The following NEK6 variants were observed in gnomAD, a reference collection of about 807,000 sequenced individuals.
NEK6 encodes the protein NIMA related kinase 6.
NEK6 carries 27 observed loss-of-function variants against 43.5 expected under a neutral mutation model. The ratio of observed to expected loss-of-function variants is 0.62; its 90% CI spans 0.46 to 0.86. The LOEUF is 0.86. NEK6 is among the 40% of genes least tolerant of loss of function. The pLI is 0.00. For synonymous variants in NEK6, 167 were observed against 164.1 expected (o/e 1.02, Z -0.14); for missense variants, 318 against 414.4 (o/e 0.77, Z 2.02).
At chr9:124,336,998 A>G (rs1248430262) in intron 7 of NEK6, among the ~76,000 whole-genome samples, 15 of 147,164 alleles carry the variant, frequency 1.0e-4, no homozygotes. Flanking sequence ...TCTGTCTCAA[A>G]AAAAAAAAAA....
chr9:124,283,614 A>T (rs900091461), intron 1 of NEK6, among the ~76,000 whole-genome samples: 2 of 152,186 alleles, frequency 1.3e-5, no homozygotes, highest in African/African-American at 4.8e-5. Context: ...TGTGCAGGTC[A>T]TGGCAGTGCC....
At chr9:124,329,006 G>A (rs779747042) in intron 7 of NEK6, among the ~76,000 whole-genome samples, 4 of 152,170 alleles carry the variant, frequency 2.6e-5, no homozygotes, top group South Asian at 2.1e-4. Flanking sequence ...CCAGGCGCTC[G>A]AGAGATTTTT....
Position 124,313,973 on chromosome 9 carries a change from C to T in NEK6, c.282C>T (p.Ile94=), listed in dbSNP as rs771234776. The change falls in exon 4 of 10, where the codon ATC becomes ATT. Residue 94 remains isoleucine (I), a synonymous_variant. Coordinates refer to ENST00000320246, the MANE Select transcript of NEK6 (RefSeq NM_014397.6). Reference sequence around the variant, plus strand: ...CGAGGCAGGACTGTGTCAAGGAGATCGGCCTCTTGAAGGTGAGCACCCTGG... The same window carrying T: ...CGAGGCAGGACTGTGTCAAGGAGATTGGCCTCTTGAAGGTGAGCACCCTGG... ...AKARQDCVKE[I]GLLKQLNHPN... is the part of the protein sequence containing the mutation. 9.9e-6 allele frequency: 16 copies of T among 1,614,026 alleles called. No homozygotes were observed. Among genetic ancestry groups the T allele is most frequent in the Middle Eastern group, 3.3e-4 (2 of 6,076 alleles).
intron 7 of NEK6, among the ~76,000 whole-genome samples, chr9:124,330,068 CT>C (rs889204786): frequency 3.9e-5 from 6 of 152,218 alleles, no homozygotes; most frequent in African/African-American, 1.2e-4. Context: ...CACTTCCCCC[CT>C]CCCTGGGCCC....
intron 2 of NEK6, among the ~76,000 whole-genome samples, chr9:124,311,049 G>C (rs1434861098): frequency 6.6e-6 from 1 of 152,226 alleles, no homozygotes; most frequent in Non-Finnish European, 1.5e-5. Context: ...ACCCAGCTTA[G>C]ACCTGCCCAG....
rs982206942 is a variant in NEK6 at position 124,351,208 on chromosome 9, A to C, written c.*261A>C. The C allele has an allele frequency of 2.6e-6, 1 of 380,642 alleles. No homozygotes were observed. The highest frequency in any genetic ancestry group is 5.5e-5 in the East Asian group (1 of 18,304). 23.6% of individuals were successfully genotyped at this position (380,642 alleles called of 1,614,324 possible). A position where few individuals can be genotyped will look rare whatever the true frequency, so the allele number is the denominator to read the frequency against. The stretch of plus-strand genomic sequence containing the variant: ...CAATCTCAGCTGGGTCAATAAGGGC[A>C]GGTGGTTCAGCGAGCCACGGCAGCC... On this transcript the variant is annotated 3_prime_UTR_variant, in exon 10 of 10. Transcript: ENST00000320246.
intron 4 of NEK6, among the ~76,000 whole-genome samples, chr9:124,321,217 C>G (rs1355311228): frequency 6.6e-6 from 1 of 152,260 alleles, no homozygotes; most frequent in Non-Finnish European, 1.5e-5. Context: ...AACTATGCTT[C>G]AAAACATTAT....
rs1020895470 is a variant in NEK6 at position 124,341,187 on chromosome 9, C to T, written c.717+1522C>T. On this transcript the variant is annotated intron_variant, in intron 8 of 9. Coordinates refer to ENST00000320246, the MANE Select transcript of NEK6 (RefSeq NM_014397.6). ...CCTCCCAAGTAGCTGGGACTACAGA[C>T]GCCCGCCACCCCACCCGGCAAATTT... is the stretch of plus-strand genomic sequence containing the variant. Among the ~76,000 whole-genome samples the T allele has an allele frequency of 3.9e-5, 6 of 152,314 alleles. No individual in the cohort carries two copies. In the East Asian group the frequency reaches 5.8e-4, roughly 15 times the overall value.
At position 124,309,646 on chromosome 9, in the gene NEK6, T is replaced by C. The variant is rs578216091; in HGVS notation, c.91-2863T>C. The stretch of plus-strand genomic sequence containing the variant: ...TGAAGCTATTAGGAGTTTGGAGACA[T>C]AGAGCTGTCTAAGCAGCTGGAAACT... On this transcript the variant is annotated intron_variant, in intron 2 of 9. Transcript: ENST00000320246. Among the ~76,000 whole-genome samples the C allele has an allele frequency of 5.9e-5, 9 of 152,318 alleles. No individual in the cohort carries two copies. In the East Asian group the frequency reaches 1.7e-3, roughly 29 times the overall value.
chr9:124,302,370 C>T (rs1833027839), intron 2 of NEK6, among the ~76,000 whole-genome samples: 1 of 152,178 alleles, frequency 6.6e-6, no homozygotes. Context: ...ACAGAGGGTG[C>T]TGTGGAGGCC....
chr9:124,296,545 GCA>G (rs202047782), intron 1 of NEK6, among the ~76,000 whole-genome samples: 1,959 of 152,306 alleles, frequency 0.013, 24 homozygotes, highest in Non-Finnish European at 0.017. Flanking sequence ...CTGTGCACGT[GCA>G]CACACAGGAG....
Position 124,339,930 on chromosome 9 carries a change from G to A in NEK6, c.717+265G>A, listed in dbSNP as rs1829507085. On this transcript the variant is annotated intron_variant, in intron 8 of 9. Coordinates refer to ENST00000320246, the MANE Select transcript of NEK6 (RefSeq NM_014397.6). ...GGGAAGACAGAGGGAGCACAGGCCA[G>A]GCATCTGATCCCCAGCTGCCCCTGC... Among the ~76,000 whole-genome samples the A allele has an allele frequency of 1.3e-5, 2 of 152,012 alleles. 1 individual carries two copies. The highest frequency in any genetic ancestry group is 4.8e-5 in the African/African-American group (2 of 41,368).
In NEK6 at chr9:124,352,399, A is replaced by T. The variant is rs1162315497; in HGVS notation, c.*1452A>T. On this transcript the variant is annotated 3_prime_UTR_variant, in exon 10 of 10. Coordinates refer to ENST00000320246, the MANE Select transcript of NEK6 (RefSeq NM_014397.6). ...TACTTTTCTCCATGGTTGAAATAAA[A>T]CAGGGTGACTGGGAGTTACTTAGAA... 1 of 152,268 alleles carries T rather than the reference A, an allele frequency of 6.6e-6. No individual in the cohort carries two copies. Among genetic ancestry groups the T allele is most frequent in the Admixed American group, 6.5e-5 (1 of 15,288 alleles). 9.4% of individuals were successfully genotyped at this position (152,268 alleles called of 1,614,324 possible). A position where few individuals can be genotyped will look rare whatever the true frequency, so the allele number is the denominator to read the frequency against.
At chr9:124,310,586 G>A (rs1268366484) in intron 2 of NEK6, among the ~76,000 whole-genome samples, 1 of 152,204 alleles carries the variant, frequency 6.6e-6, no homozygotes, top group South Asian at 2.1e-4. Flanking sequence ...AGTTCCCTCA[G>A]CCAAATCTGG....
At chr9:124,260,472 C>T (rs571441789) in intron 1 of NEK6, among the ~76,000 whole-genome samples, 1 of 152,314 alleles carries the variant, frequency 6.6e-6, no homozygotes, top group East Asian at 1.9e-4. Flanking sequence ...CAGCTCCCTG[C>T]ACCCTCTGCC....
At chr9:124,331,544 C>T (rs10986319) in intron 7 of NEK6, among the ~76,000 whole-genome samples, 93,663 of 151,898 alleles carry the variant, frequency 0.62, 29,146 homozygotes, top group East Asian at 0.79. Context: ...ACCTCAGGTG[C>T]GAGGAACACC....
chr9:124,258,741 A>G (rs1187359278), intron 1 of NEK6, among the ~76,000 whole-genome samples: 1 of 152,184 alleles, frequency 6.6e-6, no homozygotes, highest in Admixed American at 6.5e-5. Flanking sequence ...CCGGTGAACC[A>G]GGGGCCAGGA....
intron 7 of NEK6, among the ~76,000 whole-genome samples, chr9:124,335,148 G>A (rs1829222014): frequency 1.3e-5 from 2 of 152,150 alleles, no homozygotes; most frequent in South Asian, 4.1e-4. Context: ...CCAGGTGCTG[G>A]AATCCACTTA....
chr9:124,296,070 G>A (rs896874734), intron 1 of NEK6, among the ~76,000 whole-genome samples: 2 of 152,246 alleles, frequency 1.3e-5, no homozygotes, highest in African/African-American at 2.4e-5. Flanking sequence ...CCGGGCCTCC[G>A]ATCTTCAGCT....
Sources: allele counts gnomAD v4.1 joint callset (sites outside exome capture counted in the v4.1 genomes callset), GRCh38; gene constraint gnomAD v4.1.1; transcripts MANE v1.5; gene names NCBI Gene and HGNC (gene_info 2026-07-23, HGNC 2026-07-21).